METAP1D: variants seen among roughly 807,000 people sequenced by gnomAD.
METAP1D encodes methionyl aminopeptidase type 1D, mitochondrial.
A neutral mutation model predicts 40.5 loss-of-function variants in METAP1D; 31 were observed. The ratio of observed to expected loss-of-function variants is 0.77; its 90% CI spans 0.58 to 1.03. The LOEUF is 1.03. METAP1D is among the 50% of genes least tolerant of loss of function. The pLI is 0.00. For missense variants in METAP1D, 411 were observed against 420.7 expected, an observed-to-expected ratio of 0.98 and a Z score of 0.20; for synonymous variants, 151 against 146.4, an observed-to-expected ratio of 1.03 and a Z score of -0.22.
intron 1 of METAP1D, among the ~76,000 whole-genome samples, chr2:172,039,375 C>G (rs185055308): frequency 6.6e-6 from 1 of 152,190 alleles, no homozygotes; most frequent in Non-Finnish European, 1.5e-5. Flanking sequence ...GGGTAATGAG[C>G]AGCTACAACT....
intron 3 of METAP1D, among the ~76,000 whole-genome samples, chr2:172,065,269 G>A (rs1347496553): frequency 6.6e-6 from 1 of 152,176 alleles, no homozygotes; most frequent in Non-Finnish European, 1.5e-5. Flanking sequence ...CAATCATTGA[G>A]AAAGAGTAAG....
chr2:172,027,278 T>C (rs1179157107), intron 1 of METAP1D, among the ~76,000 whole-genome samples: 1 of 152,192 alleles, frequency 6.6e-6, no homozygotes, highest in Non-Finnish European at 1.5e-5. Context: ...TGCAATGACA[T>C]TTTGGTCAAC....
At chr2:172,065,891 T>C (rs1690265953) in intron 4 of METAP1D, 139 bp downstream of exon 4, 12 of 909,700 alleles carry the variant, frequency 1.3e-5, no homozygotes. Flanking sequence ...AAAACAGAAA[T>C]TTTGAAGTAT....
intron 1 of METAP1D, among the ~76,000 whole-genome samples, chr2:172,008,023 C>CT (rs1173218511): frequency 1.6e-5 from 2 of 125,174 alleles, no homozygotes; most frequent in African/African-American, 5.1e-5. Flanking sequence ...AGTTTACTTT[C>CT]CCTTTTTTTT....
In METAP1D at chr2:172,069,450, G is replaced by A. The variant is rs1345001461; in HGVS notation, c.541-1457G>A. 5.9e-5 allele frequency among the ~76,000 whole-genome samples: 9 copies of A among 152,132 alleles called. No homozygotes were observed. The East Asian group carries it at 1.7e-3, about 29-fold the overall frequency. The stretch of plus-strand genomic sequence containing the variant: ...TAAGAATATAAAAATTTGAATTTTT[G>A]AACGAAATCAGCATAGTCTTCCCTA... On this transcript the variant is annotated intron_variant, in intron 5 of 9. Transcript: ENST00000315796.
chr2:172,078,752 G>C (rs534493121), intron 7 of METAP1D, among the ~76,000 whole-genome samples: 1 of 152,312 alleles, frequency 6.6e-6, no homozygotes, highest in East Asian at 1.9e-4. Flanking sequence ...TGGTGCCAAT[G>C]TCTGGAGTGA....
rs753491029 is a variant in METAP1D, at chr2:172,063,716, A to G, written c.204A>G (p.Ile68Met). Residue 68 changes from isoleucine (I) to methionine (M), a missense_variant, in exon 3 of 10, where the codon ATA (isoleucine) becomes ATG (methionine). Ile to Met is a conservative substitution (Grantham distance 10). Transcript: ENST00000315796. ...VSSAHPVPKH[I>M]KKPDYVTTGI... Reference sequence around the variant, plus strand: ...TTCAATCCTTTTTCCTCAAGCACATAAAGAAGCCAGACTATGTGACGACAG... The same window carrying G: ...TTCAATCCTTTTTCCTCAAGCACATGAAGAAGCCAGACTATGTGACGACAG... The G allele has an allele frequency of 7.9e-5, 127 of 1,609,966 alleles. No homozygotes were observed. The Admixed American group carries it at 2.1e-3, about 27-fold the overall frequency.
At chr2:172,026,843 A>AC (rs945229277) in intron 1 of METAP1D, among the ~76,000 whole-genome samples, 9 of 152,196 alleles carry the variant, frequency 5.9e-5, no homozygotes, top group Non-Finnish European at 1.3e-4. Context: ...CCAATTCTGT[A>AC]CCAACATCCT....
At chr2:172,075,071 G>A (rs1023031170) in intron 6 of METAP1D, among the ~76,000 whole-genome samples, 1 of 152,292 alleles carries the variant, frequency 6.6e-6, no homozygotes, top group Non-Finnish European at 1.5e-5. Context: ...GTCACAAGAT[G>A]AAATTCCTTA....
At chr2:172,077,032 G>T (rs1690562824) in intron 6 of METAP1D, among the ~76,000 whole-genome samples, 1 of 152,210 alleles carries the variant, frequency 6.6e-6, no homozygotes, top group African/African-American at 2.4e-5. Context: ...TAAAACATTT[G>T]CATGTAACTA....
chr2:172,035,816 T>C (rs1313897044), intron 1 of METAP1D, among the ~76,000 whole-genome samples: 1 of 151,612 alleles, frequency 6.6e-6, no homozygotes, highest in Non-Finnish European at 1.5e-5. Context: ...GCCTGGCTAA[T>C]TTTTAATTTT....
chr2:172,002,776 T>C (rs1016650078), intron 1 of METAP1D, among the ~76,000 whole-genome samples: 24 of 152,226 alleles, frequency 1.6e-4, no homozygotes, highest in Admixed American at 1.4e-3. Flanking sequence ...TCTAGATTTA[T>C]GTAAAGCAAT....
chr2:172,005,547 T>TATATATATATATATATATATATATA (rs1227539865), intron 1 of METAP1D, among the ~76,000 whole-genome samples: 2 of 56,118 alleles, frequency 3.6e-5, no homozygotes, highest in Admixed American at 1.6e-4. Flanking sequence ...TATATATATC[T>TATATATATATATATATATATATATA]TTTTTTTTTT....
chr2:172,028,552 G>A lies in METAP1D; in HGVS notation c.40+28543G>A, dbSNP rs1159092713. Among the ~76,000 whole-genome samples the A allele has an allele frequency of 1.1e-4, 4 of 37,600 alleles. No homozygotes were observed. In the South Asian group the frequency reaches 5.0e-3, roughly 47 times the overall value. 24.7% of individuals were successfully genotyped at this position (37,600 alleles called of 152,430 possible). On this transcript the variant is annotated intron_variant, in intron 1 of 9. Coordinates refer to ENST00000315796, the MANE Select transcript of METAP1D (RefSeq NM_199227.3). ...CTTCTGTATGTGTGTCTGTGTGTGT[G>A]TGTGTGTGTGTGTGTGTGTGTGTGT...
chr2:172,076,369 C>T (rs2105500512), intron 6 of METAP1D, among the ~76,000 whole-genome samples: 1 of 151,766 alleles, frequency 6.6e-6, no homozygotes, highest in South Asian at 2.1e-4. Flanking sequence ...ATCTTTCTTC[C>T]ACCCTGTATT....
chr2:172,043,094 TAC>T (rs769999723), intron 1 of METAP1D, among the ~76,000 whole-genome samples: 75,838 of 96,032 alleles, frequency 0.79, 29,524 homozygotes, highest in East Asian at 0.95. Context: ...TATATTTACA[TAC>T]ATATATATAT....
intron 1 of METAP1D, among the ~76,000 whole-genome samples, chr2:172,050,361 T>C (rs788165): frequency 0.032 from 4,800 of 152,268 alleles, 267 homozygotes; most frequent in African/African-American, 0.11. Context: ...TTTTAAGTAG[T>C]ATATGACAGT....
chr2:172,065,443 G>A (rs1690249676), intron 3 of METAP1D, among the ~76,000 whole-genome samples, 161 bp from the exon 4 acceptor site: 1 of 152,074 alleles, frequency 6.6e-6, no homozygotes, highest in Non-Finnish European at 1.5e-5. Context: ...GCACAGTTGA[G>A]GATTCTAACA....
intron 1 of METAP1D, among the ~76,000 whole-genome samples, chr2:172,051,047 G>A (rs1182617464): frequency 6.7e-6 from 1 of 148,534 alleles, no homozygotes; most frequent in Non-Finnish European, 1.5e-5. Context: ...CCATTTCATT[G>A]TGACTCAATA....
Sources: allele counts gnomAD v4.1 joint callset (sites outside exome capture counted in the v4.1 genomes callset), GRCh38; gene constraint gnomAD v4.1.1; transcripts MANE v1.5; gene names NCBI Gene and HGNC (gene_info 2026-07-23, HGNC 2026-07-21).